The following ZNF804B variants were observed in gnomAD, a reference collection of about 807,000 sequenced individuals.
ZNF804B encodes zinc finger protein 804B.
Under a neutral mutation model 101.4 loss-of-function variants are expected in ZNF804B, and 80 were observed. That is an observed-to-expected ratio of 0.79 (90% CI 0.66 to 0.95). ZNF804B has a LOEUF of 0.95. ZNF804B is among the 40% of genes least tolerant of loss of function. ZNF804B has a pLI of 0.00. For missense variants in ZNF804B, 1,673 were observed against 1,561.9 expected, an observed-to-expected ratio of 1.07 and a Z score of -1.20; for synonymous variants, 622 against 558.8, an observed-to-expected ratio of 1.11 and a Z score of -1.59.
At chr7:89,267,606 G>T (rs543593178) in intron 2 of ZNF804B, among the ~76,000 whole-genome samples, 1 of 152,078 alleles carries the variant, frequency 6.6e-6, no homozygotes, top group South Asian at 2.1e-4. Flanking sequence ...TACAAGCCAG[G>T]CATTGCAGAA....
intron 1 of ZNF804B, among the ~76,000 whole-genome samples, chr7:88,954,565 C>CG (rs1491149893): frequency 3.7e-4 from 56 of 150,686 alleles, no homozygotes; most frequent in East Asian, 1.2e-3. Context: ...GCCCCCCCCC[C>CG]ACCACGGGTG....
chr7:88,828,305 G>A (rs999341478), intron 1 of ZNF804B, among the ~76,000 whole-genome samples: 3 of 152,094 alleles, frequency 2.0e-5, no homozygotes, highest in African/African-American at 4.8e-5. Flanking sequence ...TATCACACCA[G>A]AAATGTCCCT....
intron 1 of ZNF804B, among the ~76,000 whole-genome samples, chr7:89,009,078 G>A (rs1047335234): frequency 6.6e-6 from 1 of 151,994 alleles, no homozygotes; most frequent in Non-Finnish European, 1.5e-5. Context: ...CTGGATTTGA[G>A]GTCCACATTT....
chr7:89,036,978 G>C (rs1788939403), intron 1 of ZNF804B, among the ~76,000 whole-genome samples: 1 of 152,144 alleles, frequency 6.6e-6, no homozygotes. Context: ...TTTCACATCA[G>C]TGAGTCTCCA....
chr7:89,325,997 A>C, intron 2 of ZNF804B, among the ~76,000 whole-genome samples: 1 of 152,000 alleles, frequency 6.6e-6, no homozygotes, highest in East Asian at 1.9e-4. Context: ...TAAGGATTTT[A>C]TAAGCCTTTC....
rs1193905523 is a variant in ZNF804B, at chr7:88,837,255, G to A, written c.108+77171G>A. 2.0e-5 allele frequency among the ~76,000 whole-genome samples: 3 copies of A among 151,830 alleles called. No homozygotes were observed. In the East Asian group the frequency reaches 5.8e-4, roughly 29 times the overall value. ...ACATTTACTTTAAAATGAAAGAAGT[G>A]ATCCTGTAACTTCAAGACAAAATAA... On this transcript the variant is annotated intron_variant, in intron 1 of 3. Transcript: ENST00000333190.
intron 1 of ZNF804B, among the ~76,000 whole-genome samples, chr7:89,142,987 T>G (rs1243553832): frequency 6.6e-6 from 1 of 151,932 alleles, no homozygotes; most frequent in Non-Finnish European, 1.5e-5. Context: ...TTCTGTGAAG[T>G]GAAATCAGCC....
intron 1 of ZNF804B, among the ~76,000 whole-genome samples, chr7:88,841,365 A>C (rs1256976552): frequency 1.3e-5 from 2 of 152,190 alleles, no homozygotes; most frequent in East Asian, 3.8e-4. Context: ...AGTCCAAACA[A>C]TGGGCAATCA....
intron 1 of ZNF804B, among the ~76,000 whole-genome samples, chr7:89,072,868 C>T (rs1177221418): frequency 1.3e-5 from 2 of 152,024 alleles, no homozygotes; most frequent in Non-Finnish European, 2.9e-5. Context: ...TTCTCTTAAA[C>T]TATATATCAT....
intron 1 of ZNF804B, among the ~76,000 whole-genome samples, chr7:88,824,354 C>T (rs1011528983): frequency 6.6e-6 from 1 of 152,142 alleles, no homozygotes. Flanking sequence ...GCATTTCCCC[C>T]ACTTCCTCCA....
chr7:88,901,151 T>C (rs1269644117), intron 1 of ZNF804B, among the ~76,000 whole-genome samples: 2 of 151,970 alleles, frequency 1.3e-5, no homozygotes, highest in East Asian at 3.9e-4. Context: ...GTGAGCTATT[T>C]TCCGTATAAT....
At chr7:89,046,262 T>C (rs1584093170) in intron 1 of ZNF804B, among the ~76,000 whole-genome samples, 1 of 152,050 alleles carries the variant, frequency 6.6e-6, no homozygotes, top group East Asian at 1.9e-4. Flanking sequence ...CCTTTATAAA[T>C]TACCCAGTCT....
At chr7:88,995,121 T>C (rs1793902556) in intron 1 of ZNF804B, among the ~76,000 whole-genome samples, 1 of 152,040 alleles carries the variant, frequency 6.6e-6, no homozygotes, top group Non-Finnish European at 1.5e-5. Flanking sequence ...ATTGCCATGG[T>C]TCTGTTCTCC....
intron 3 of ZNF804B, among the ~76,000 whole-genome samples, chr7:89,330,387 C>T (rs895396018): frequency 1.6e-4 from 24 of 151,542 alleles, no homozygotes; most frequent in African/African-American, 5.6e-4. Flanking sequence ...TTATCTCACA[C>T]AAAATGGTAA....
chr7:89,084,775 T>TA (rs1789763443), intron 1 of ZNF804B, among the ~76,000 whole-genome samples: 1 of 151,972 alleles, frequency 6.6e-6, no homozygotes, highest in Non-Finnish European at 1.5e-5. Context: ...CCATCTTCTT[T>TA]AAAACAAATG....
chr7:88,760,814 A>G (rs1789883366), intron 1 of ZNF804B, among the ~76,000 whole-genome samples: 1 of 149,936 alleles, frequency 6.7e-6, no homozygotes, highest in Admixed American at 6.7e-5. Context: ...TTCTTGGTAC[A>G]TGCTATTATG....
In ZNF804B at chr7:89,335,776, G is replaced by A; in HGVS notation, c.2794G>A (p.Val932Ile). ...PLTAKILLER[V>I]QAKKCQEQSS... The stretch of plus-strand genomic sequence containing the variant: ...AACAGCAAAAATCCTTTTAGAAAGA[G>A]TACAAGCCAAGAAATGTCAAGAACA... The change falls in exon 4 of 4, where the codon GTA becomes ATA. Residue 932 changes from valine to isoleucine, a missense_variant. By Grantham distance (29) the Val-to-Ile change is conservative. Coordinates refer to ENST00000333190, the MANE Select transcript of ZNF804B (RefSeq NM_181646.5). The A allele has an allele frequency of 6.2e-7, 1 of 1,614,076 alleles. No homozygotes were observed. Among genetic ancestry groups the A allele is most frequent in the Non-Finnish European group, 8.5e-7 (1 of 1,179,984 alleles).
intron 1 of ZNF804B, among the ~76,000 whole-genome samples, chr7:89,120,143 A>G (rs1790378277): frequency 6.6e-6 from 1 of 151,946 alleles, no homozygotes; most frequent in Admixed American, 6.6e-5. Flanking sequence ...CTTAAAACTG[A>G]AGTCTACACA....
intron 1 of ZNF804B, among the ~76,000 whole-genome samples, chr7:88,879,400 A>G (rs1791999390): frequency 6.6e-6 from 1 of 152,224 alleles, no homozygotes; most frequent in Non-Finnish European, 1.5e-5. Context: ...CTGCATATTT[A>G]TCAAAATTTC....
Sources: allele counts gnomAD v4.1 joint callset (sites outside exome capture counted in the v4.1 genomes callset), GRCh38; gene constraint gnomAD v4.1.1; transcripts MANE v1.5; gene names NCBI Gene and HGNC (gene_info 2026-07-23, HGNC 2026-07-21).